DST: variants seen among roughly 807,000 people sequenced by gnomAD.
DST encodes dystonin.
A neutral mutation model predicts 875.2 loss-of-function variants in DST; 253 were observed. The observed-to-expected ratio is 0.29, with a 90% CI of 0.26 to 0.32. The LOEUF (loss-of-function observed/expected upper bound fraction) is 0.32. Among genes scored for constraint, DST ranks in the 10% least tolerant of loss-of-function variants. The pLI is 1.00. For synonymous variants in DST, 3,124 were observed against 3,197.1 expected (o/e 0.98, Z 0.77); for missense variants, 8,287 against 9,111.6 (o/e 0.91, Z 3.68).
chr6:56,470,962 AC>A (rs1324608921), intron 95 of DST, 143 bp downstream of exon 95: 13 of 827,632 alleles, frequency 1.6e-5, no homozygotes, highest in East Asian at 2.8e-5. Context: ...TACCAAAAAA[AC>A]ATTTTTTTAA....
At chr6:56,636,269 A>AAC (rs10551196) in intron 23 of DST, among the ~76,000 whole-genome samples, 204 of 146,604 alleles carry the variant, frequency 1.4e-3, no homozygotes, top group African/African-American at 3.3e-3. Context: ...CACACACACA[A>AAC]ACACACACAC....
At chr6:56,486,572 AAT>A (rs2095575658) in intron 87 of DST, among the ~76,000 whole-genome samples, 2 of 152,060 alleles carry the variant, frequency 1.3e-5, no homozygotes, top group South Asian at 4.1e-4. Context: ...AAATTTTTGA[AAT>A]ATGTCTTGGG....
Position 56,645,928 on chromosome 6 carries a change from C to A in DST, c.1716G>T (p.Glu572Asp). 6.2e-7 allele frequency: 1 copy of A among 1,613,860 alleles called. No homozygotes were observed. Among genetic ancestry groups the A allele is most frequent in the Non-Finnish European group, 8.5e-7 (1 of 1,179,796 alleles). Reference sequence around the variant, plus strand: ...GCATGGCAATAATGAGTTTCCCCCACTCTTTTTCTATGTCATTTGGATGAT... The same window carrying A: ...GCATGGCAATAATGAGTTTCCCCCAATCTTTTTCTATGTCATTTGGATGAT... ...QGYHPNDIEK[E>D]WGKLIIAMLE... The change falls in exon 15 of 104, where the codon GAG becomes GAT. Residue 572 changes from glutamate (E) to aspartate (D), a missense_variant. Glu to Asp is a conservative substitution (Grantham distance 45). Coordinates refer to ENST00000680361, the MANE Select transcript of DST (RefSeq NM_001374736.1).
intron 81 of DST, 95 bp from the exon 82 acceptor site, chr6:56,497,602 T>G: frequency 4.2e-6 from 6 of 1,444,832 alleles, no homozygotes; most frequent in Non-Finnish European, 5.6e-6. Context: ...TAAGCCTCTC[T>G]ATGCATTCTT....
At chr6:56,597,660 G>C in intron 47 of DST, 80 bp downstream of exon 47, 1 of 1,436,258 alleles carries the variant, frequency 7.0e-7, no homozygotes, top group East Asian at 2.3e-5. Context: ...GGTTTGAAAA[G>C]AACTCATGTG....
chr6:56,837,168 T>C (rs1168512938), intron 4 of DST, among the ~76,000 whole-genome samples: 1 of 152,176 alleles, frequency 6.6e-6, no homozygotes, highest in Non-Finnish European at 1.5e-5. Context: ...TCAAGCAAAA[T>C]AGCTTTCGTT....
rs1172492395 is a variant in DST at position 56,597,915 on chromosome 6, G to T, written c.12020C>A (p.Ala4007Glu). 6.2e-7 allele frequency: 1 copy of T among 1,613,450 alleles called. No homozygotes were observed. Among genetic ancestry groups the T allele is most frequent in the Non-Finnish European group, 8.5e-7 (1 of 1,179,704 alleles). The change falls in exon 47 of 104, where the codon GCA becomes GAA. Residue 4007 changes from alanine to glutamate, a missense_variant. Coordinates refer to ENST00000680361, the MANE Select transcript of DST (RefSeq NM_001374736.1). ...GATTACCTGTTTGTGTTTTGTCCCT[G>T]CCCTTTCTGAGTCTTTGTCAACATT... ...LSNVDKDSER[A>E]GTKHKQVIEQ...
chr6:56,631,149 A>G, intron 30 of DST, 62 bp downstream of exon 30: 1 of 746,834 alleles, frequency 1.3e-6, no homozygotes, highest in Admixed American at 3.3e-5. Flanking sequence ...ATTTTAAATT[A>G]ATAGTAAATA....
At chr6:56,475,739 A>T (rs781507896) in intron 92 of DST, among the ~76,000 whole-genome samples, 18 of 152,334 alleles carry the variant, frequency 1.2e-4, no homozygotes, top group Non-Finnish European at 1.9e-4. Flanking sequence ...TTTAATGTGG[A>T]TACCTTAATG....
intron 2 of DST, among the ~76,000 whole-genome samples, chr6:56,909,911 T>C (rs1798113218): frequency 6.6e-6 from 1 of 152,194 alleles, no homozygotes. Context: ...TTTGTTGTTT[T>C]AATAACCCTA....
chr6:56,485,248 T>C (rs765926123), intron 88 of DST, 64 bp downstream of exon 88: 13 of 1,574,902 alleles, frequency 8.3e-6, no homozygotes, highest in Non-Finnish European at 1.1e-5. Context: ...TTTAAATGGT[T>C]TACATTTCCT....
At chr6:56,642,805 A>T in intron 15 of DST, 1 of 1,613,562 alleles carries the variant, frequency 6.2e-7, no homozygotes, top group Non-Finnish European at 8.5e-7. Flanking sequence ...TCCTGAAACG[A>T]TGTTCTTTCT....
chr6:56,646,586 A>G (rs1341656693), intron 13 of DST, among the ~76,000 whole-genome samples: 1 of 152,218 alleles, frequency 6.6e-6, no homozygotes, highest in Non-Finnish European at 1.5e-5. Context: ...AAGCAATAAA[A>G]AAACTCTCTT....
chr6:56,585,042 G>T (rs1397525628), intron 49 of DST, among the ~76,000 whole-genome samples: 1 of 151,724 alleles, frequency 6.6e-6, no homozygotes, highest in Admixed American at 6.6e-5. Flanking sequence ...CAAGGATATT[G>T]GTCTAAAATT....
intron 68 of DST, among the ~76,000 whole-genome samples, chr6:56,526,865 T>C (rs2096809818): frequency 6.6e-6 from 1 of 152,224 alleles, no homozygotes; most frequent in Admixed American, 6.5e-5. Context: ...AGTTAACTTG[T>C]ATTATTCTTT....
rs140703260 is a variant in DST at position 56,812,627 on chromosome 6, T to C, written c.625+38770A>G. ...CAAATGTCTTAAATGTGGGACATTA[T>C]TGAAAATCTCAAATTCTGCCATAAA... On this transcript the variant is annotated intron_variant, in intron 4 of 103. Coordinates refer to ENST00000680361, the MANE Select transcript of DST (RefSeq NM_001374736.1). 3.4e-3 allele frequency among the ~76,000 whole-genome samples: 515 copies of C among 152,342 alleles called. 4 individuals carry two copies. The highest frequency in any genetic ancestry group is 0.012 in the African/African-American group (499 of 41,574).
chr6:56,518,873 G>C (rs932650325), intron 69 of DST, among the ~76,000 whole-genome samples: 4 of 152,176 alleles, frequency 2.6e-5, no homozygotes, highest in Non-Finnish European at 4.4e-5. Flanking sequence ...AGAACAGGTA[G>C]GTGGGGAGAA....
intron 4 of DST, among the ~76,000 whole-genome samples, chr6:56,762,844 CTTTTTTTTTTTTT>C (rs869153143): frequency 8.9e-6 from 1 of 111,898 alleles, no homozygotes; most frequent in African/African-American, 3.7e-5. Context: ...AGAACACCAC[CTTTTTTTTTTTTT>C]TTTTTTTTTT....
At chr6:56,764,990 G>GAA (rs1564065661) in intron 4 of DST, among the ~76,000 whole-genome samples, 6 of 134,972 alleles carry the variant, frequency 4.4e-5, no homozygotes, top group Admixed American at 2.2e-4. Flanking sequence ...AGGGAGGGAG[G>GAA]GAGGGAGGAA....
Sources: gnomAD v4.1 joint callset for allele counts (sites outside exome capture counted in the v4.1 genomes callset) on GRCh38, gnomAD v4.1.1 for gene constraint, MANE v1.5 for transcripts, NCBI Gene and HGNC (gene_info 2026-07-23, HGNC 2026-07-21) for gene names.